The following MCF2L variants were observed in gnomAD, a reference collection of about 807,000 sequenced individuals.
MCF2L encodes the protein guanine nucleotide exchange factor DBS.
A neutral mutation model predicts 153.4 loss-of-function variants in MCF2L; 97 were observed. The observed-to-expected ratio is 0.63, with a 90% CI of 0.54 to 0.75. The LOEUF is 0.75. Ranked by LOEUF, MCF2L falls within the 30% of genes least tolerant of loss-of-function variation. MCF2L has a pLI of 0.00. For synonymous variants in MCF2L, 659 were observed against 632.2 expected (o/e 1.04, Z -0.64); for missense variants, 1,347 against 1,495.2 (o/e 0.90, Z 1.64).
rs1485170599 is a variant in MCF2L, at chr13:112,993,102, C to CCAGAGATTACCACGCGCTGCCGCGG, written c.80-21660_80-21636dup. Among the ~76,000 whole-genome samples the CCAGAGATTACCACGCGCTGCCGCGG allele has an allele frequency of 1.3e-5, 2 of 152,208 alleles. No homozygotes were observed. Among genetic ancestry groups the CCAGAGATTACCACGCGCTGCCGCGG allele is most frequent in the African/African-American group, 4.8e-5 (2 of 41,454 alleles). Reference sequence around the variant, plus strand: ...CTTCTGCAGTAAGGTGGCTTTTAAGCCAGAGATTACCACGCGCTGCCGCGG... The same window carrying CCAGAGATTACCACGCGCTGCCGCGG: ...CTTCTGCAGTAAGGTGGCTTTTAAGCCAGAGATTACCACGCGCTGCCGCGGCAGAGATTACCACGCGCTGCCGCGG... On this transcript the variant is annotated intron_variant, in intron 1 of 29. Coordinates refer to ENST00000535094, the MANE Select transcript of MCF2L (RefSeq NM_001112732.3). The surrounding 1 kb of genome is among the most constrained non-coding windows in gnomAD (Gnocchi z 4.6).
intron 29 of MCF2L, 33 bp from the exon 30 acceptor site, chr13:113,096,741 G>GCCGAAGCCCGTCC: frequency 6.4e-7 from 1 of 1,555,406 alleles, no homozygotes; most frequent in Non-Finnish European, 8.6e-7. Context: ...CAGAGCCGAC[G>GCCGAAGCCCGTCC]CCGAAGCCCG....
chr13:112,959,685 CAG>C (rs2081800669), intron 2 of MCF2L, among the ~76,000 whole-genome samples: 1 of 152,178 alleles, frequency 6.6e-6, no homozygotes, highest in Admixed American at 6.5e-5. Flanking sequence ...CTAGCATAGA[CAG>C]AGGGGGAATA....
At chr13:112,992,981 C>T (rs1324082661) in intron 1 of MCF2L, among the ~76,000 whole-genome samples, 2 of 152,242 alleles carry the variant, frequency 1.3e-5, no homozygotes, top group Non-Finnish European at 2.9e-5. Flanking sequence ...GTGGCAGCCC[C>T]GGCTCAGTCT....
intron 3 of MCF2L, among the ~76,000 whole-genome samples, chr13:113,038,432 T>G (rs1209749397): frequency 7.0e-6 from 1 of 141,974 alleles, no homozygotes; most frequent in African/African-American, 2.7e-5. Flanking sequence ...GCCACTGCAC[T>G]CCAGCCTGGG....
At chr13:112,971,414 G>A (rs544483804) in intron 1 of MCF2L, among the ~76,000 whole-genome samples, 1 of 152,304 alleles carries the variant, frequency 6.6e-6, no homozygotes. Flanking sequence ...CTGATGTGGC[G>A]GCTGGTGTAG....
rs140013835 is a variant in MCF2L at position 113,075,008 on chromosome 13, A to G, written c.1127A>G (p.Glu376Gly). Residue 376 changes from glutamate (E) to glycine (G), a missense_variant, in exon 11 of 30, where the codon GAG (glutamate) becomes GGG (glycine). By Grantham distance (98) the Glu-to-Gly change is moderately conservative. This residue lies in a region of MCF2L where 820 missense variants were observed against 921.2 expected (regional missense o/e 0.89). Coordinates refer to ENST00000535094, the MANE Select transcript of MCF2L (RefSeq NM_001112732.3). ...GGTGGCCGTCCACAGGTGGCCGTGG[A>G]GAGGGCCCGGGCCCTGTCTCTGGAC... ...SFEEKSGVAV[E>G]RARALSLDGE... 68 of 1,600,024 alleles carry G rather than the reference A, an allele frequency of 4.2e-5. No homozygotes were observed. The East Asian group carries it at 1.3e-3, about 31-fold the overall frequency.
chr13:113,032,247 C>A lies in MCF2L; in HGVS notation c.278+7489C>A, dbSNP rs189539807. On this transcript the variant is annotated intron_variant, in intron 3 of 29. Coordinates refer to ENST00000535094, the MANE Select transcript of MCF2L (RefSeq NM_001112732.3). Reference sequence around the variant, plus strand: ...GCTGGACCCCAGCCCTTGGAAGAGCCCCACTTCTCGCTGTGGGTTTGATTT... The same window carrying A: ...GCTGGACCCCAGCCCTTGGAAGAGCACCACTTCTCGCTGTGGGTTTGATTT... Among the ~76,000 whole-genome samples the A allele has an allele frequency of 7.2e-5, 11 of 152,308 alleles. No homozygotes were observed. In the East Asian group the frequency reaches 7.7e-4, roughly 11 times the overall value.
In MCF2L at chr13:113,045,503, G is replaced by T; in HGVS notation, c.369+142G>T. ...CCAGTCCCGGCGGGTGGAGGCCGGC[G>T]CCAAGGCCCCCCCTGCTTGGGCTCC... On this transcript the variant is annotated intron_variant, in intron 4 of 29. Transcript: ENST00000535094. This position sits in a 1 kb window ranked among gnomAD's most constrained non-coding sequence, Gnocchi z 4.2. 1 of 717,952 alleles carries T rather than the reference G, an allele frequency of 1.4e-6. No individual in the cohort carries two copies. Among genetic ancestry groups the T allele is most frequent in the Non-Finnish European group, 2.4e-6 (1 of 421,650 alleles). 44.5% of individuals were successfully genotyped at this position (717,952 alleles called of 1,614,324 possible). A position where few individuals can be genotyped will look rare whatever the true frequency, so the allele number is the denominator to read the frequency against.
chr13:113,096,107 C>T (rs1461025781), intron 27 of MCF2L: 12 of 563,106 alleles, frequency 2.1e-5, no homozygotes, highest in African/African-American at 7.8e-5. Context: ...GCCCTGGGGC[C>T]GAGAGCTGTG....
At chr13:112,961,120 G>A (rs977670911) in intron 2 of MCF2L, among the ~76,000 whole-genome samples, 1 of 151,876 alleles carries the variant, frequency 6.6e-6, no homozygotes, top group Non-Finnish European at 1.5e-5. Context: ...ATGCCTCCAC[G>A]TTGCACCTGT....
At position 113,056,988 on chromosome 13, in the gene MCF2L, C is replaced by T. The variant is rs1265692776; in HGVS notation, c.370-3605C>T. Reference sequence around the variant, plus strand: ...CTGAGTGTTTGGGTGCTGAGTGTTTCGGCGCTGAGTGGGTGCTGTGTGTTT... The same window carrying T: ...CTGAGTGTTTGGGTGCTGAGTGTTTTGGCGCTGAGTGGGTGCTGTGTGTTT... On this transcript the variant is annotated intron_variant, in intron 4 of 29. Transcript: ENST00000535094. Among the ~76,000 whole-genome samples the T allele has an allele frequency of 1.9e-3, 126 of 64,982 alleles. 1 individual carries two copies. Among genetic ancestry groups the T allele is most frequent in the African/African-American group, 7.6e-3 (116 of 15,216 alleles). 42.6% of individuals were successfully genotyped at this position (64,982 alleles called of 152,430 possible). A position where few individuals can be genotyped will look rare whatever the true frequency, so the allele number is the denominator to read the frequency against.
rs772377693 is a variant in MCF2L, at chr13:112,960,100, TTGTC to T, written c.170-54659_170-54656del. On this transcript the variant is annotated intron_variant, in intron 2 of 29. Coordinates refer to the MCF2L transcript ENST00000375608. This position sits in a 1 kb window ranked among gnomAD's most constrained non-coding sequence, Gnocchi z 4.2. ...ACGCCTGCCCTCAGGGGCTGTGTCT[TTGTC>T]TGTTTTCTGCTGCTATAACAGAGTA... 2.0e-5 allele frequency among the ~76,000 whole-genome samples: 3 copies of T among 152,222 alleles called. No homozygotes were observed. Among genetic ancestry groups the T allele is most frequent in the Non-Finnish European group, 4.4e-5 (3 of 68,034 alleles).
chr13:112,963,833 A>C (rs2081861828), intron 2 of MCF2L, among the ~76,000 whole-genome samples: 1 of 152,182 alleles, frequency 6.6e-6, no homozygotes, highest in South Asian at 2.1e-4. Flanking sequence ...CACAGCCAAG[A>C]GTGCTGGCCC....
At chr13:113,058,907 T>G (rs1443650505) in intron 4 of MCF2L, among the ~76,000 whole-genome samples, 1 of 151,912 alleles carries the variant, frequency 6.6e-6, no homozygotes, top group African/African-American at 2.4e-5. Flanking sequence ...GCTGAGTGTT[T>G]AGGTGCTGAG....
intron 2 of MCF2L, among the ~76,000 whole-genome samples, chr13:112,908,396 G>A (rs895913123): frequency 6.6e-5 from 10 of 152,278 alleles, no homozygotes; most frequent in Non-Finnish European, 1.0e-4. Flanking sequence ...TGGATGTGGC[G>A]GATTACCTGA....
chr13:113,078,771 G>T (rs569949778), intron 15 of MCF2L, 32 bp downstream of exon 15: 8 of 1,566,598 alleles, frequency 5.1e-6, no homozygotes, highest in East Asian at 4.6e-5. Context: ...CCTCACAGGG[G>T]CCCTCCGACC....
At chr13:112,966,746 C>T (rs1409261617), upstream of MCF2L, among the ~76,000 whole-genome samples, 8 of 152,338 alleles carry the variant, frequency 5.3e-5, no homozygotes, top group South Asian at 1.4e-3. This position sits in a 1 kb window ranked among gnomAD's most constrained non-coding sequence, Gnocchi z 4.1. Context: ...ATCGGAGAAG[C>T]GGGACAGGCC....
intron 15 of MCF2L, among the ~76,000 whole-genome samples, chr13:113,079,542 G>C (rs1594959630): frequency 6.6e-6 from 1 of 152,324 alleles, no homozygotes; most frequent in East Asian, 1.9e-4. Context: ...AGAAGAAAAG[G>C]CTCTTCCTGA....
intron 4 of MCF2L, among the ~76,000 whole-genome samples, chr13:113,050,680 G>T (rs1288625813): frequency 4.3e-5 from 4 of 92,122 alleles, no homozygotes; most frequent in South Asian, 4.2e-4. Flanking sequence ...TGGAGGGGGG[G>T]GTGGCTGGGG....
Sources: allele counts gnomAD v4.1 joint callset (sites outside exome capture counted in the v4.1 genomes callset), GRCh38; gene constraint gnomAD v4.1.1; regional missense constraint gnomAD v4.1.1; non-coding constraint Gnocchi (gnomAD v3.1); transcripts MANE v1.5; gene names NCBI Gene and HGNC (gene_info 2026-07-23, HGNC 2026-07-21).